Variants in DCP1A observed in about 807,000 individuals in gnomAD.
The protein encoded by DCP1A is mRNA-decapping enzyme 1A.
A neutral mutation model predicts 58.0 loss-of-function variants in DCP1A; 20 were observed. That is an observed-to-expected ratio of 0.34 (90% confidence interval 0.24 to 0.50). The LOEUF (loss-of-function observed/expected upper bound fraction) is 0.50, where lower values mean the gene tolerates loss of function less well. DCP1A is among the 20% of genes least tolerant of loss of function. The probability of loss-of-function intolerance (pLI) is 0.98; values close to 1 mark genes in which losing one functional copy is unlikely to be tolerated. For missense variants in DCP1A, 613 were observed against 712.2 expected (o/e 0.86, Z 1.59); for synonymous variants, 285 against 275.1 (o/e 1.04, Z -0.36).
At chr3:53,291,712 T>C (rs782649717) in intron 7 of DCP1A, among the ~76,000 whole-genome samples, 7 of 152,152 alleles carry the variant, frequency 4.6e-5, no homozygotes, top group East Asian at 1.9e-4. Context: ...GATGCTCTTA[T>C]GGCACCTCTA....
rs1190397308 is a variant in DCP1A, at chr3:53,346,495, A to T, written c.135+888T>A. The stretch of plus-strand genomic sequence containing the variant: ...GGTGAATTCAATCCAACAAGCATTT[A>T]CGTATTACTTTCTAAGTGTAAAGCC... On this transcript the variant is annotated intron_variant, in intron 1 of 9. Transcript: ENST00000610213. Among the ~76,000 whole-genome samples the T allele has an allele frequency of 3.3e-5, 5 of 152,320 alleles. 1 individual carries two copies. The South Asian group carries it at 6.2e-4, about 19-fold the overall frequency.
In DCP1A at chr3:53,288,196, TTGTAAC is replaced by T. The variant is rs1553685444; in HGVS notation, c.1531_1536del (p.Val511_Thr512del). On this transcript the variant is annotated inframe_deletion, in exon 9 of 10. Transcript: ENST00000610213. ...GCTTTCCTCTCAAGGTCCGAAGATC[TTGTAAC>T]TGTCTGCTGGAAAACACTTGGGGCC... 6.2e-7 allele frequency: 1 copy of T among 1,614,042 alleles called. No individual in the cohort carries two copies. The highest frequency in any genetic ancestry group is 2.2e-5 in the East Asian group (1 of 44,886).
At position 53,296,921 on chromosome 3, in the gene DCP1A, T is replaced by TA. The variant is rs548297817; in HGVS notation, c.625-4095dup. Among the ~76,000 whole-genome samples the TA allele has an allele frequency of 1.2e-3, 186 of 152,366 alleles. 2 individuals are homozygous for TA. Among genetic ancestry groups the TA allele is most frequent in the African/African-American group, 3.9e-3 (161 of 41,592 alleles). ...ACCCAGGAGCAGAATTGCTGGGTCA[T>TA]ATAGTAATTCCAAGTTTAACTTTTT... On this transcript the variant is annotated intron_variant, in intron 6 of 9. Coordinates refer to ENST00000610213, the MANE Select transcript of DCP1A (RefSeq NM_018403.7).
chr3:53,311,923 T>C (rs1441741549), intron 5 of DCP1A, among the ~76,000 whole-genome samples: 2 of 151,382 alleles, frequency 1.3e-5, no homozygotes, highest in African/African-American at 2.4e-5. Flanking sequence ...CCTTATGTTT[T>C]AGGTTTAAAA....
chr3:53,310,745 T>C (rs1409592963), intron 5 of DCP1A, among the ~76,000 whole-genome samples: 3 of 152,222 alleles, frequency 2.0e-5, no homozygotes, highest in African/African-American at 7.2e-5. Context: ...TCATTCCTCC[T>C]AATTCTCTGT....
chr3:53,326,986 C>T (rs1009525280), intron 3 of DCP1A, among the ~76,000 whole-genome samples: 5 of 151,162 alleles, frequency 3.3e-5, no homozygotes, highest in Non-Finnish European at 5.9e-5. Flanking sequence ...ACCCCCCCCC[C>T]CCAACTGGTA....
chr3:53,340,050 G>C (rs1336766710), intron 3 of DCP1A, among the ~76,000 whole-genome samples: 2 of 151,904 alleles, frequency 1.3e-5, no homozygotes, highest in Non-Finnish European at 2.9e-5. Flanking sequence ...CAGCCTCCTG[G>C]GTAGCTGGGA....
rs1159624913 is a variant in DCP1A, at chr3:53,292,317, A to G, written c.1135T>C (p.Leu379=). The G allele has an allele frequency of 3.1e-6, 5 of 1,613,378 alleles. No individual in the cohort carries two copies. In the East Asian group the frequency reaches 6.7e-5, roughly 22 times the overall value. ...GTGCCAGCTGTGTTCGTCACGTTCA[A>G]TGGGGCCCTGAAGGGGCTCTGGTTG... ...IANQSPFRAP[L]NVTNTAGTSL... Residue 379 remains leucine (L), a synonymous_variant, in exon 7 of 10, where the codon TTG becomes CTG. Transcript: ENST00000610213.
Position 53,304,161 on chromosome 3 carries a change from C to T in DCP1A, c.624+16G>A, listed in dbSNP as rs781856098. On this transcript the variant is annotated intron_variant, in intron 6 of 9. Transcript: ENST00000610213. ...TTTGTTACTTAGGACAAAGCTAGAGCTTTAGCTGTACAAACCTTATCCTGT... is the reference window on the plus strand; with the variant it reads ...TTTGTTACTTAGGACAAAGCTAGAGTTTTAGCTGTACAAACCTTATCCTGT... 1.3e-5 allele frequency: 21 copies of T among 1,572,958 alleles called. No homozygotes were observed. In the Admixed American group the frequency reaches 2.4e-4, roughly 18 times the overall value.
chr3:53,294,972 T>C (rs188706656), intron 6 of DCP1A, among the ~76,000 whole-genome samples: 1 of 152,166 alleles, frequency 6.6e-6, no homozygotes, highest in Non-Finnish European at 1.5e-5. Flanking sequence ...CATCAGTACA[T>C]GGCAGACACT....
intron 3 of DCP1A, among the ~76,000 whole-genome samples, chr3:53,320,172 AAAAC>A (rs1553689754): frequency 6.6e-6 from 1 of 152,060 alleles, no homozygotes; most frequent in Non-Finnish European, 1.5e-5. Flanking sequence ...CAAAGCTTTC[AAAAC>A]AAACCCCAGC....
intron 2 of DCP1A, 134 bp from the exon 3 acceptor site, chr3:53,342,405 T>C (rs2089222050): frequency 1.4e-6 from 1 of 695,228 alleles, no homozygotes; most frequent in South Asian, 2.1e-5. Flanking sequence ...CACTTACATC[T>C]GTAAACAAAA....
At chr3:53,298,346 CCAGA>C (rs1235667577) in intron 6 of DCP1A, among the ~76,000 whole-genome samples, 1 of 152,164 alleles carries the variant, frequency 6.6e-6, no homozygotes, top group Non-Finnish European at 1.5e-5. Flanking sequence ...TACTGCGAGG[CCAGA>C]CAGATTCTCT....
chr3:53,324,092 C>T (rs1249222234), intron 3 of DCP1A, among the ~76,000 whole-genome samples: 2 of 152,202 alleles, frequency 1.3e-5, no homozygotes, highest in African/African-American at 4.8e-5. Context: ...TGAAAAAATA[C>T]AATATAATTT....
At chr3:53,339,674 T>A (rs781922946) in intron 3 of DCP1A, among the ~76,000 whole-genome samples, 1 of 152,220 alleles carries the variant, frequency 6.6e-6, no homozygotes, top group Non-Finnish European at 1.5e-5. Context: ...CATGGTTCAA[T>A]TACATTTGTG....
At chr3:53,328,522 TA>T (rs200471060) in intron 3 of DCP1A, among the ~76,000 whole-genome samples, 3,566 of 141,114 alleles carry the variant, frequency 0.025, 148 homozygotes, top group South Asian at 0.16. Context: ...AACACCACAA[TA>T]AAAAAAAAAA....
At chr3:53,336,218 C>G (rs1332918105) in intron 3 of DCP1A, among the ~76,000 whole-genome samples, 1 of 152,188 alleles carries the variant, frequency 6.6e-6, no homozygotes, top group Non-Finnish European at 1.5e-5. Context: ...ATTCTTCTGA[C>G]TCAGTCTCTC....
At chr3:53,345,712 T>G (rs1292891093) in intron 1 of DCP1A, among the ~76,000 whole-genome samples, 1 of 152,190 alleles carries the variant, frequency 6.6e-6, no homozygotes, top group Non-Finnish European at 1.5e-5. Context: ...GTGTTGGGAT[T>G]AAAAAATTTA....
chr3:53,312,468 C>T, intron 4 of DCP1A, 89 bp from the exon 5 acceptor site: 1 of 993,082 alleles, frequency 1.0e-6, no homozygotes, highest in South Asian at 1.8e-5. Context: ...CAAGGATACA[C>T]TAAGAGTGTC....
Sources: gnomAD v4.1 joint callset for allele counts (sites outside exome capture counted in the v4.1 genomes callset) on GRCh38, gnomAD v4.1.1 for gene constraint, MANE v1.5 for transcripts, NCBI Gene and HGNC (gene_info 2026-07-23, HGNC 2026-07-21) for gene names.